The following ADAMTS6 variants were observed in gnomAD, a reference collection of about 807,000 sequenced individuals.
The protein encoded by ADAMTS6 is ADAM metallopeptidase with thrombospondin type 1 motif 6.
A neutral mutation model predicts 144.3 loss-of-function variants in ADAMTS6; 23 were observed. That is an observed-to-expected ratio of 0.16 (90% CI 0.11 to 0.23). The LOEUF (loss-of-function observed/expected upper bound fraction) is 0.23. Ranked by LOEUF, ADAMTS6 falls within the 10% of genes least tolerant of loss-of-function variation. The pLI is 1.00. For synonymous variants in ADAMTS6, 444 were observed against 457.5 expected (o/e 0.97, Z 0.38); for missense variants, 999 against 1,379.6 (o/e 0.72, Z 4.37).
intron 15 of ADAMTS6, among the ~76,000 whole-genome samples, chr5:65,228,505 C>A (rs1381505159): frequency 6.6e-6 from 1 of 152,052 alleles, no homozygotes; most frequent in Non-Finnish European, 1.5e-5. Context: ...CATCTCCCTG[C>A]AGAAGGATCA....
intron 15 of ADAMTS6, among the ~76,000 whole-genome samples, chr5:65,237,562 C>T (rs1015991779): frequency 6.6e-6 from 1 of 151,958 alleles, no homozygotes; most frequent in African/African-American, 2.4e-5. Flanking sequence ...AACACCAATC[C>T]TAAAATTCTT....
At chr5:65,373,906 T>C (rs373045591) in intron 7 of ADAMTS6, among the ~76,000 whole-genome samples, 1,949 of 152,202 alleles carry the variant, frequency 0.013, 31 homozygotes, top group East Asian at 0.081. Context: ...AAAGCTTATC[T>C]GCCATGATCA....
chr5:65,353,308 T>C (rs1749032639), intron 7 of ADAMTS6, among the ~76,000 whole-genome samples: 3 of 152,028 alleles, frequency 2.0e-5, no homozygotes. Flanking sequence ...TTTCAATCTA[T>C]GATGAGCAAA....
At position 65,471,060 on chromosome 5, in the gene ADAMTS6, A is replaced by C; in HGVS notation, c.180T>G (p.Thr60=). The C allele has an allele frequency of 6.2e-7, 1 of 1,611,366 alleles. No individual in the cohort carries two copies. Among genetic ancestry groups the C allele is most frequent in the Non-Finnish European group, 8.5e-7 (1 of 1,179,058 alleles). Residue 60 remains threonine (T), a synonymous_variant, in exon 3 of 25, where the codon ACT becomes ACG. Transcript: ENST00000381055. ...TCCTTGAGTGTTTATCATTTTTCACAGTAAAGCTGAGAAATGCTCCATTTT... is the reference window on the plus strand; with the variant it reads ...TCCTTGAGTGTTTATCATTTTTCACCGTAAAGCTGAGAAATGCTCCATTTT... ...VDQNGAFLSF[T]VKNDKHSRRR...
At chr5:65,373,750 T>C (rs575977907) in intron 7 of ADAMTS6, among the ~76,000 whole-genome samples, 5 of 152,110 alleles carry the variant, frequency 3.3e-5, no homozygotes, top group African/African-American at 1.2e-4. Flanking sequence ...CCTCCGTAAC[T>C]CATTTTATGA....
intron 20 of ADAMTS6, among the ~76,000 whole-genome samples, chr5:65,200,788 T>C (rs908876916): frequency 3.3e-5 from 5 of 152,170 alleles, no homozygotes; most frequent in Admixed American, 2.0e-4. Flanking sequence ...CGAAAGTTAA[T>C]TATAAGAGAT....
intron 11 of ADAMTS6, among the ~76,000 whole-genome samples, chr5:65,287,985 C>T (rs998084476): frequency 6.6e-6 from 1 of 152,112 alleles, no homozygotes; most frequent in Non-Finnish European, 1.5e-5. Context: ...GTATTTACAG[C>T]CATTACAACC....
intron 9 of ADAMTS6, among the ~76,000 whole-genome samples, chr5:65,301,362 C>T (rs527397235): frequency 2.6e-5 from 4 of 152,102 alleles, no homozygotes; most frequent in East Asian, 1.9e-4. Context: ...CACCATGATA[C>T]GTGTTCAAGA....
chr5:65,451,200 C>G (rs1758713246), intron 7 of ADAMTS6: 1 of 275,218 alleles, frequency 3.6e-6, no homozygotes, highest in African/African-American at 2.2e-5. Flanking sequence ...CATCTACATG[C>G]TTTTGATTAA....
chr5:65,392,832 T>C (rs1289394031), intron 7 of ADAMTS6, among the ~76,000 whole-genome samples: 1 of 152,198 alleles, frequency 6.6e-6, no homozygotes, highest in Non-Finnish European at 1.5e-5. Flanking sequence ...GTTTTAATTA[T>C]CCAGCAATCT....
intron 2 of ADAMTS6, among the ~76,000 whole-genome samples, chr5:65,472,581 T>C (rs1188292263): frequency 6.6e-6 from 1 of 152,178 alleles, no homozygotes; most frequent in East Asian, 1.9e-4. Flanking sequence ...CTCATTTAGA[T>C]GTACTAAACA....
chr5:65,224,643 T>C (rs114144623), intron 17 of ADAMTS6, among the ~76,000 whole-genome samples: 1 of 152,154 alleles, frequency 6.6e-6, no homozygotes, highest in South Asian at 2.1e-4. Flanking sequence ...CGAATAATGG[T>C]TCCTTTTCTT....
chr5:65,176,843 T>G (rs1754011328), intron 22 of ADAMTS6, among the ~76,000 whole-genome samples: 1 of 152,144 alleles, frequency 6.6e-6, no homozygotes, highest in South Asian at 2.1e-4. Flanking sequence ...GCTTCTTTGG[T>G]CTAAAAACTA....
intron 24 of ADAMTS6, among the ~76,000 whole-genome samples, chr5:65,154,452 G>A (rs1043845347): frequency 2.0e-5 from 3 of 152,296 alleles, no homozygotes; most frequent in East Asian, 1.9e-4. Flanking sequence ...AAGTCCGTAG[G>A]TTCTGGGAAC....
At chr5:65,196,514 C>T (rs1755376187) in intron 21 of ADAMTS6, among the ~76,000 whole-genome samples, 1 of 69,828 alleles carries the variant, frequency 1.4e-5, no homozygotes, top group Non-Finnish European at 2.7e-5. Flanking sequence ...CAGAGCGAGA[C>T]TCCGTCTCAA....
At chr5:65,314,273 T>C (rs887323877) in intron 9 of ADAMTS6, among the ~76,000 whole-genome samples, 1 of 151,988 alleles carries the variant, frequency 6.6e-6, no homozygotes, top group Non-Finnish European at 1.5e-5. Context: ...GTGAACTTGA[T>C]AATAGGGTGA....
intron 7 of ADAMTS6, among the ~76,000 whole-genome samples, chr5:65,374,357 A>G (rs544841786): frequency 3.3e-5 from 5 of 149,366 alleles, no homozygotes; most frequent in African/African-American, 1.3e-4. Context: ...TATCTAGAAA[A>G]CCCCACTGTC....
At chr5:65,180,051 G>C (rs1260254341) in intron 22 of ADAMTS6, among the ~76,000 whole-genome samples, 2 of 151,984 alleles carry the variant, frequency 1.3e-5, no homozygotes, top group Non-Finnish European at 2.9e-5. Flanking sequence ...TATCTGGAAA[G>C]GTGACAATTT....
chr5:65,196,109 G>T (rs1408939601), intron 21 of ADAMTS6, among the ~76,000 whole-genome samples: 1 of 152,188 alleles, frequency 6.6e-6, no homozygotes, highest in Non-Finnish European at 1.5e-5. Context: ...AACAGAAAGA[G>T]ACTGAAGTAT....
Sources: allele counts gnomAD v4.1 joint callset (sites outside exome capture counted in the v4.1 genomes callset), GRCh38; gene constraint gnomAD v4.1.1; transcripts MANE v1.5; gene names NCBI Gene and HGNC (gene_info 2026-07-23, HGNC 2026-07-21).